The following ESPN variants were observed in gnomAD, a reference collection of about 807,000 sequenced individuals.
ESPN encodes the protein autosomal recessive deafness type 36 protein.
Under a neutral mutation model 77.7 loss-of-function variants are expected in ESPN, and 68 were observed. The observed-to-expected ratio is 0.87, with a 90% CI of 0.72 to 1.07. The LOEUF is 1.07. Ranked by LOEUF, ESPN falls within the 50% of genes least tolerant of loss-of-function variation. The probability of loss-of-function intolerance (pLI) is 0.00; values close to 1 mark genes in which losing one functional copy is unlikely to be tolerated. For synonymous variants in ESPN, 449 were observed against 567.1 expected, an observed-to-expected ratio of 0.79 and a Z score of 2.96; for missense variants, 1,060 against 1,239.0, an observed-to-expected ratio of 0.86 and a Z score of 2.17.
chr1:6,436,698 G>C (rs763288432), intron 2 of ESPN, among the ~76,000 whole-genome samples: 18 of 151,914 alleles, frequency 1.2e-4, no homozygotes, highest in Admixed American at 2.6e-4. Context: ...AGAGAATGGC[G>C]GTCTCTCTAT....
In ESPN at chr1:6,441,096, C is replaced by A. The variant is rs1157614157; in HGVS notation, c.990+31C>A. ...ATCCCTGAGCTGCTCCTGTCGCATTCTTTCTTCTCGCCCCTCCACCCCAGT... is the reference window on the plus strand; with the variant it reads ...ATCCCTGAGCTGCTCCTGTCGCATTATTTCTTCTCGCCCCTCCACCCCAGT... On this transcript the variant is annotated intron_variant, in intron 5 of 12. Coordinates refer to ENST00000645284, the MANE Select transcript of ESPN (RefSeq NM_031475.3). 4 of 1,603,160 alleles carry A rather than the reference C, an allele frequency of 2.5e-6. No homozygotes were observed. The East Asian group carries it at 6.7e-5, about 27-fold the overall frequency.
At chr1:6,452,907 T>A (rs1170966116) in intron 10 of ESPN, among the ~76,000 whole-genome samples, 1 of 152,078 alleles carries the variant, frequency 6.6e-6, no homozygotes, top group Non-Finnish European at 1.5e-5. Context: ...ATTTTTTATT[T>A]TTTGAGACAG....
intron 12 of ESPN, 60 bp downstream of exon 12, chr1:6,457,432 G>T (rs192473554): frequency 6.2e-7 from 1 of 1,611,740 alleles, no homozygotes; most frequent in African/African-American, 1.3e-5. Flanking sequence ...GCAGAGGGTC[G>T]TCCCTTCATC....
At position 6,424,825 on chromosome 1, in the gene ESPN, C is replaced by A; in HGVS notation, c.-131C>A. On this transcript the variant is annotated 5_prime_UTR_variant, in exon 1 of 13. Transcript: ENST00000645284. ...GGCAGCGCGGAGCGGAGGCCAGGCCCACAGCCGCTCCGCCTCCCGGCCCGC... is the reference window on the plus strand; with the variant it reads ...GGCAGCGCGGAGCGGAGGCCAGGCCAACAGCCGCTCCGCCTCCCGGCCCGC... 3 of 965,246 alleles carry A rather than the reference C, an allele frequency of 3.1e-6. No homozygotes were observed. The highest frequency in any genetic ancestry group is 4.1e-6 in the Non-Finnish European group (3 of 737,260). 59.8% of individuals were successfully genotyped at this position (965,246 alleles called of 1,614,324 possible).
Position 6,440,390 on chromosome 1 carries a change from C to G in ESPN, c.625C>G (p.Pro209Ala), listed in dbSNP as rs1052050957. The change falls in exon 3 of 13, where the codon CCG becomes GCG. Residue 209 changes from proline to alanine, a missense_variant. Coordinates refer to ENST00000645284, the MANE Select transcript of ESPN (RefSeq NM_031475.3). ...CGCGCGCGCCCACGACGGCATGACC[C>G]CGCTGCACGCCGCGGCGCAGATGGG... is the stretch of plus-strand genomic sequence containing the variant. ...PHARAHDGMT[P>A]LHAAAQMGHS... is the part of the protein sequence containing the mutation. 6.3e-7 allele frequency: 1 copy of G among 1,585,050 alleles called. No homozygotes were observed. Among genetic ancestry groups the G allele is most frequent in the African/African-American group, 1.3e-5 (1 of 74,326 alleles).
At chr1:6,448,545 C>A in intron 7 of ESPN, 96 bp from the exon 8 acceptor site, 1 of 1,141,088 alleles carries the variant, frequency 8.8e-7, no homozygotes, top group Non-Finnish European at 1.2e-6. Context: ...CGGCCGCTGG[C>A]CGCGAGTCCC....
chr1:6,449,213 G>C (rs1374071658), intron 8 of ESPN, 122 bp downstream of exon 8: 2 of 1,035,346 alleles, frequency 1.9e-6, no homozygotes, highest in African/African-American at 3.4e-5. Context: ...ATGGTCTTCC[G>C]GCCACCCCTA....
intron 10 of ESPN, chr1:6,455,630 C>T (rs1644041460): frequency 5.0e-6 from 2 of 399,384 alleles, no homozygotes; most frequent in Non-Finnish European, 8.8e-6. Flanking sequence ...ACTACGACAG[C>T]CTCACGCTCG....
At chr1:6,442,444 C>G (rs1320012943) in intron 5 of ESPN, among the ~76,000 whole-genome samples, 1 of 151,530 alleles carries the variant, frequency 6.6e-6, no homozygotes, top group Non-Finnish European at 1.5e-5. Context: ...TATGGTAGCA[C>G]ACGCCTGTAG....
In ESPN at chr1:6,427,409, T is replaced by G. The variant is rs996834342; in HGVS notation, c.295-817T>G. Among the ~76,000 whole-genome samples the G allele has an allele frequency of 6.6e-6, 1 of 152,086 alleles. No individual in the cohort carries two copies. The highest frequency in any genetic ancestry group is 1.5e-5 in the Non-Finnish European group (1 of 68,002). ...CCCCTTTCTCAGCAGACACACACAA[T>G]GGGGTGTGCACTGATGACACATTCA... On this transcript the variant is annotated intron_variant, in intron 1 of 12. Coordinates refer to ENST00000645284, the MANE Select transcript of ESPN (RefSeq NM_031475.3). This position sits in a 1 kb window ranked among gnomAD's most constrained non-coding sequence, Gnocchi z 4.6.
intron 10 of ESPN, chr1:6,456,202 C>T (rs1304444250): frequency 1.8e-5 from 7 of 397,286 alleles, no homozygotes; most frequent in Non-Finnish European, 2.7e-5. Context: ...ATCTGAGCAG[C>T]GGAATTCGGA....
At chr1:6,438,343 T>C (rs1410205001) in intron 2 of ESPN, among the ~76,000 whole-genome samples, 1 of 152,244 alleles carries the variant, frequency 6.6e-6, no homozygotes, top group Non-Finnish European at 1.5e-5. Context: ...GCACCAGGCC[T>C]GTGCTCAGGG....
chr1:6,426,522 C>T (rs1424530706), intron 1 of ESPN, among the ~76,000 whole-genome samples: 1 of 152,148 alleles, frequency 6.6e-6, no homozygotes, highest in Non-Finnish European at 1.5e-5. Context: ...CTTGCCCAGC[C>T]CAGAGAGATA....
Position 6,460,009 on chromosome 1 carries a change from G to C in ESPN, c.2428G>C (p.Glu810Gln). ...EEREQKRKEE[E>Q]RQKQEELRRE... is the part of the protein sequence containing the mutation. ...TCCCCACTGCCTCAGGAAAGAGGAGGAGCGACAGAAGCAGGAGGAGCTGCG... is the reference window on the plus strand; with the variant it reads ...TCCCCACTGCCTCAGGAAAGAGGAGCAGCGACAGAAGCAGGAGGAGCTGCG... Residue 810 changes from glutamate to glutamine, a missense_variant, in exon 13 of 13, where the codon GAG becomes CAG. Glu to Gln is a conservative substitution (Grantham distance 29, BLOSUM62 2). Coordinates refer to ENST00000645284, the MANE Select transcript of ESPN (RefSeq NM_031475.3). 1 of 1,613,654 alleles carries C rather than the reference G, an allele frequency of 6.2e-7. No individual in the cohort carries two copies. Among genetic ancestry groups the C allele is most frequent in the Non-Finnish European group, 8.5e-7 (1 of 1,180,034 alleles).
intron 10 of ESPN, chr1:6,456,474 G>A (rs1644059931): frequency 7.4e-6 from 2 of 270,362 alleles, no homozygotes; most frequent in Non-Finnish European, 1.4e-5. Context: ...CCAGGCAGCA[G>A]AAGAAGCCCC....
At chr1:6,452,644 G>A (rs914851952) in intron 10 of ESPN, among the ~76,000 whole-genome samples, 8 of 151,992 alleles carry the variant, frequency 5.3e-5, no homozygotes, top group Admixed American at 1.3e-4. Flanking sequence ...GCTGAGGCTC[G>A]CATTTCTAGC....
intron 12 of ESPN, among the ~76,000 whole-genome samples, chr1:6,458,618 CA>C (rs562983422): frequency 6.6e-6 from 1 of 150,572 alleles, no homozygotes. Flanking sequence ...ACCAGGCCTG[CA>C]AAAAAAATTT....
At chr1:6,440,469 G>C in intron 3 of ESPN, 29 bp downstream of exon 3, 2 of 1,513,218 alleles carry the variant, frequency 1.3e-6, no homozygotes, top group Non-Finnish European at 1.8e-6. Context: ...CGGGGAGCAG[G>C]GGAGGCGGGG....
intron 1 of ESPN, among the ~76,000 whole-genome samples, chr1:6,425,980 A>T (rs1218525681): frequency 2.0e-5 from 3 of 152,224 alleles, no homozygotes; most frequent in Non-Finnish European, 4.4e-5. Flanking sequence ...AGCCTCAGGC[A>T]TCATGTTCAG....
Sources: allele counts gnomAD v4.1 joint callset (sites outside exome capture counted in the v4.1 genomes callset), GRCh38; gene constraint gnomAD v4.1.1; non-coding constraint Gnocchi (gnomAD v3.1); transcripts MANE v1.5; gene names NCBI Gene and HGNC (gene_info 2026-07-23, HGNC 2026-07-21).